Variants in OSBPL1A observed in about 807,000 individuals in gnomAD.
OSBPL1A encodes the protein oxysterol-binding protein-related protein 1.
Under a neutral mutation model 137.1 loss-of-function variants are expected in OSBPL1A, and 80 were observed. The ratio of observed to expected loss-of-function variants is 0.58; its 90% confidence interval spans 0.49 to 0.70. The LOEUF is 0.70. Among genes scored for constraint, OSBPL1A ranks in the 30% least tolerant of loss-of-function variants. The pLI is 0.00. For synonymous variants in OSBPL1A, 365 were observed against 389.7 expected (o/e 0.94, Z 0.75); for missense variants, 970 against 1,129.4 (o/e 0.86, Z 2.02).
chr18:24,396,185 A>G (rs923899793), intron 1 of OSBPL1A, among the ~76,000 whole-genome samples: 1 of 150,292 alleles, frequency 6.7e-6, no homozygotes, highest in African/African-American at 2.4e-5. Context: ...GCGCCACTGC[A>G]CTCCAGCCTA....
chr18:24,181,975 C>G (rs1458117075), intron 18 of OSBPL1A, among the ~76,000 whole-genome samples: 2 of 152,142 alleles, frequency 1.3e-5, no homozygotes, highest in African/African-American at 4.8e-5. Context: ...GTTAAAACTT[C>G]AATATGTCTA....
chr18:24,321,756 A>AT (rs1309623003), intron 7 of OSBPL1A: 1 of 474,460 alleles, frequency 2.1e-6, no homozygotes, highest in African/African-American at 2.0e-5. Context: ...AAACAAATAA[A>AT]TTTTTTAAAA....
chr18:24,303,730 G>T lies in OSBPL1A; in HGVS notation c.1093-12C>A, dbSNP rs200932758. 95 of 1,604,326 alleles carry T rather than the reference G, an allele frequency of 5.9e-5. No homozygotes were observed. In the East Asian group the frequency reaches 2.1e-3, roughly 35 times the overall value. On this transcript the variant is annotated splice_polypyrimidine_tract_variant and intron_variant, in intron 13 of 27. Transcript: ENST00000319481. ...CATGACTGTGCTTTCTGCAAAAAAAGAAAAGACAAAATTAAAACAAAGTAA... is the reference window on the plus strand; with the variant it reads ...CATGACTGTGCTTTCTGCAAAAAAATAAAAGACAAAATTAAAACAAAGTAA...
chr18:24,298,326 T>A (rs1312519516), intron 14 of OSBPL1A, among the ~76,000 whole-genome samples: 1 of 152,184 alleles, frequency 6.6e-6, no homozygotes, highest in East Asian at 1.9e-4. Context: ...CTTTACTTTC[T>A]TAATAAACTT....
At chr18:24,372,508 T>G (rs894404613) in intron 2 of OSBPL1A, among the ~76,000 whole-genome samples, 1 of 152,184 alleles carries the variant, frequency 6.6e-6, no homozygotes, top group African/African-American at 2.4e-5. Context: ...CCCTCCCACA[T>G]GTGTATTCAC....
chr18:24,340,184 A>G (rs1030441412), intron 5 of OSBPL1A, among the ~76,000 whole-genome samples: 3 of 152,248 alleles, frequency 2.0e-5, no homozygotes, highest in Non-Finnish European at 4.4e-5. Flanking sequence ...GGCCATTCAA[A>G]GAAAGATCCT....
chr18:24,283,281 AATAT>A (rs869287828), intron 14 of OSBPL1A, among the ~76,000 whole-genome samples: 37 of 78,350 alleles, frequency 4.7e-4, no homozygotes, highest in South Asian at 1.3e-3. Flanking sequence ...AAAAAAAAAA[AATAT>A]ATATATATAT....
At chr18:24,339,886 T>C (rs551551093) in intron 5 of OSBPL1A, among the ~76,000 whole-genome samples, 252 of 152,374 alleles carry the variant, frequency 1.7e-3, no homozygotes, top group Non-Finnish European at 2.8e-3. Context: ...TTGTGTTGTT[T>C]TTTAAACTAT....
chr18:24,323,328 G>A (rs2146128602), intron 7 of OSBPL1A, among the ~76,000 whole-genome samples: 1 of 151,182 alleles, frequency 6.6e-6, no homozygotes, highest in Middle Eastern at 3.5e-3. Context: ...TGAGGTGGGT[G>A]GATCGCTTGA....
At chr18:24,215,312 C>A (rs2087663102) in intron 17 of OSBPL1A, among the ~76,000 whole-genome samples, 1 of 152,152 alleles carries the variant, frequency 6.6e-6, no homozygotes, top group South Asian at 2.1e-4. Flanking sequence ...CAAATCCTGG[C>A]TGAACACTGT....
intron 27 of OSBPL1A, among the ~76,000 whole-genome samples, chr18:24,164,328 G>T (rs1286883336): frequency 6.6e-6 from 1 of 151,418 alleles, no homozygotes; most frequent in Non-Finnish European, 1.5e-5. Context: ...AGAAAAACAT[G>T]CTGGCAAGGA....
chr18:24,252,686 A>G (rs1306062925), intron 15 of OSBPL1A, among the ~76,000 whole-genome samples: 2 of 152,162 alleles, frequency 1.3e-5, no homozygotes, highest in East Asian at 3.8e-4. Context: ...GAATATCAAA[A>G]CATTATAATT....
chr18:24,320,045 C>G (rs2090818644), intron 7 of OSBPL1A, among the ~76,000 whole-genome samples: 1 of 151,648 alleles, frequency 6.6e-6, no homozygotes, highest in Non-Finnish European at 1.5e-5. Context: ...TCCCAGCTAC[C>G]ACTGCACTCC....
chr18:24,206,367 T>A (rs540083561), intron 17 of OSBPL1A, among the ~76,000 whole-genome samples: 84 of 152,346 alleles, frequency 5.5e-4, no homozygotes, highest in African/African-American at 1.9e-3. Context: ...GGTTAAGACA[T>A]AATGAAGCAA....
At chr18:24,370,320 T>C (rs1373384245) in intron 2 of OSBPL1A, among the ~76,000 whole-genome samples, 3 of 152,212 alleles carry the variant, frequency 2.0e-5, no homozygotes, top group East Asian at 1.9e-4. Context: ...CCAAAGCTCT[T>C]GTGCATGCCT....
At chr18:24,212,125 T>C (rs1230868995) in intron 17 of OSBPL1A, among the ~76,000 whole-genome samples, 4 of 151,922 alleles carry the variant, frequency 2.6e-5, no homozygotes, top group Non-Finnish European at 5.9e-5. Flanking sequence ...TGGAGTACAG[T>C]GGTGTGATCT....
chr18:24,328,035 A>AC (rs2091010493), intron 7 of OSBPL1A, among the ~76,000 whole-genome samples: 1 of 127,912 alleles, frequency 7.8e-6, no homozygotes, highest in Admixed American at 8.6e-5. Context: ...TAGAAATCAC[A>AC]CTTTTTTTTT....
chr18:24,371,337 C>T (rs1394900976), intron 2 of OSBPL1A, among the ~76,000 whole-genome samples: 5 of 152,148 alleles, frequency 3.3e-5, no homozygotes, highest in Non-Finnish European at 5.9e-5. Context: ...AGCCTTTTAC[C>T]GAGACAACTC....
intron 4 of OSBPL1A, among the ~76,000 whole-genome samples, chr18:24,365,734 G>C (rs1384194546): frequency 6.6e-6 from 1 of 152,072 alleles, no homozygotes; most frequent in Non-Finnish European, 1.5e-5. Context: ...TTCTAAAACT[G>C]GATTTTGGTG....
Sources: allele counts gnomAD v4.1 joint callset (sites outside exome capture counted in the v4.1 genomes callset), GRCh38; gene constraint gnomAD v4.1.1; transcripts MANE v1.5; gene names NCBI Gene and HGNC (gene_info 2026-07-23, HGNC 2026-07-21).